Variants in PTPRT observed in about 807,000 individuals in gnomAD.
PTPRT encodes protein tyrosine phosphatase receptor type T.
PTPRT carries 56 observed loss-of-function variants against 176.8 expected under a neutral mutation model. The observed-to-expected ratio is 0.32, with a 90% CI of 0.26 to 0.40. The LOEUF (loss-of-function observed/expected upper bound fraction) is 0.40. Ranked by LOEUF, PTPRT falls within the 10% of genes least tolerant of loss-of-function variation. PTPRT has a pLI of 1.00. For synonymous variants in PTPRT, 783 were observed against 739.0 expected (o/e 1.06, Z -0.96); for missense variants, 1,540 against 1,908.2 (o/e 0.81, Z 3.60).
At chr20:42,446,580 ATGTGTGTGTGTG>A (rs372328206) in intron 9 of PTPRT, among the ~76,000 whole-genome samples, 560 of 139,564 alleles carry the variant, frequency 4.0e-3, no homozygotes, top group Non-Finnish European at 6.9e-3. Flanking sequence ...TTTCATGTAA[ATGTGTGTGTGTG>A]TGTGTGTGTG....
At chr20:42,299,382 C>T (rs1170017520) in intron 12 of PTPRT, among the ~76,000 whole-genome samples, 1 of 152,024 alleles carries the variant, frequency 6.6e-6, no homozygotes, top group African/African-American at 2.4e-5. Context: ...TAATTTTCAA[C>T]ACAACGGTTT....
intron 1 of PTPRT, among the ~76,000 whole-genome samples, chr20:42,957,934 T>A (rs1276266555): frequency 6.6e-6 from 1 of 151,874 alleles, no homozygotes; most frequent in Non-Finnish European, 1.5e-5. Flanking sequence ...TACTTTTTTA[T>A]CAATTAATAT....
intron 16 of PTPRT, among the ~76,000 whole-genome samples, chr20:42,163,027 T>G (rs1157047873): frequency 6.6e-6 from 1 of 152,216 alleles, no homozygotes; most frequent in Non-Finnish European, 1.5e-5. Context: ...CTCTCAGTCA[T>G]GGGCACACAG....
intron 7 of PTPRT, among the ~76,000 whole-genome samples, chr20:42,487,143 A>T (rs1007810770): frequency 1.3e-5 from 2 of 152,204 alleles, no homozygotes; most frequent in Non-Finnish European, 2.9e-5. Context: ...CTAAAGCCAT[A>T]AGATTTAAGC....
intron 1 of PTPRT, among the ~76,000 whole-genome samples, chr20:42,935,373 C>T (rs1388744798): frequency 6.6e-6 from 1 of 151,966 alleles, no homozygotes; most frequent in Non-Finnish European, 1.5e-5. Flanking sequence ...CTCCTGGCCT[C>T]AAACAATCCT....
At position 42,796,188 on chromosome 20, in the gene PTPRT, C is replaced by G. The variant is rs150911028; in HGVS notation, c.215-4722G>C. Among the ~76,000 whole-genome samples the G allele has an allele frequency of 3.7e-4, 56 of 152,218 alleles. No individual in the cohort carries two copies. The East Asian group carries it at 9.8e-3, about 27-fold the overall frequency. ...GGGTCTAGGAATGCACTTTCCTAAC[C>G]AGTAGCTAATAACGCCATATGCCTA... is the stretch of plus-strand genomic sequence containing the variant. On this transcript the variant is annotated intron_variant, in intron 2 of 30. Transcript: ENST00000373187.
intron 2 of PTPRT, among the ~76,000 whole-genome samples, chr20:42,883,709 CAT>C (rs373687809): frequency 6.7e-5 from 8 of 118,670 alleles, no homozygotes; most frequent in African/African-American, 9.3e-5. Flanking sequence ...CATACACCCC[CAT>C]ACACACACAC....
At chr20:43,154,414 T>C (rs1317389804) in intron 1 of PTPRT, among the ~76,000 whole-genome samples, 1 of 152,238 alleles carries the variant, frequency 6.6e-6, no homozygotes, top group East Asian at 1.9e-4. Flanking sequence ...CTGCTTTAGT[T>C]ACTACAGCTA....
At chr20:42,282,394 G>A in intron 13 of PTPRT, 95 bp downstream of exon 13, 2 of 1,255,796 alleles carry the variant, frequency 1.6e-6, no homozygotes, top group Non-Finnish European at 2.3e-6. Flanking sequence ...TTCTTGTTTT[G>A]AGTTACTGTT....
At chr20:42,058,747 G>T in the PTPRT span, among the ~76,000 whole-genome samples, 8 of 152,196 alleles carry the variant, frequency 5.3e-5, no homozygotes, top group Admixed American at 1.3e-4. Context: ...CCCTGATAGA[G>T]CCCAGGCATC....
chr20:42,790,280 T>C (rs1427806518), intron 3 of PTPRT, among the ~76,000 whole-genome samples: 2 of 151,094 alleles, frequency 1.3e-5, no homozygotes, highest in Non-Finnish European at 2.9e-5. Flanking sequence ...TGTGGAGAAA[T>C]GTTCCTCTAA....
At chr20:42,500,330 C>T (rs1019928048) in intron 7 of PTPRT, among the ~76,000 whole-genome samples, 1 of 151,878 alleles carries the variant, frequency 6.6e-6, no homozygotes, top group Non-Finnish European at 1.5e-5. Flanking sequence ...CTCACTACCC[C>T]CATCAGCAAG....
chr20:42,653,269 G>T (rs1368540185), intron 7 of PTPRT, among the ~76,000 whole-genome samples: 1 of 152,148 alleles, frequency 6.6e-6, no homozygotes, highest in Non-Finnish European at 1.5e-5. Context: ...CCCCTTCCAT[G>T]CTTGTAAGTT....
rs539605312 is a variant in PTPRT, at chr20:43,163,511, G to A, written c.88+26135C>T. Among the ~76,000 whole-genome samples, 5 of 152,232 alleles carry A rather than the reference G, an allele frequency of 3.3e-5. No homozygotes were observed. The South Asian group carries it at 6.2e-4, about 19-fold the overall frequency. On this transcript the variant is annotated intron_variant, in intron 1 of 30. Coordinates refer to ENST00000373187, the MANE Select transcript of PTPRT (RefSeq NM_007050.6). Reference sequence around the variant, plus strand: ...AAATTAGCCAGGCGTGGTGGTGGGCGCCTATAGTCCCAGCTACTCAGGAGG... The same window carrying A: ...AAATTAGCCAGGCGTGGTGGTGGGCACCTATAGTCCCAGCTACTCAGGAGG...
At chr20:43,013,666 G>A (rs968922236) in intron 1 of PTPRT, among the ~76,000 whole-genome samples, 1 of 152,140 alleles carries the variant, frequency 6.6e-6, no homozygotes, top group Non-Finnish European at 1.5e-5. Context: ...ACTCCTTGAA[G>A]AAGAAAAGGG....
At chr20:43,179,322 C>A (rs138252583) in intron 1 of PTPRT, among the ~76,000 whole-genome samples, 213 of 152,288 alleles carry the variant, frequency 1.4e-3, no homozygotes, top group African/African-American at 5.0e-3. Flanking sequence ...TATAACTTAT[C>A]ATATTCTCTA....
chr20:42,465,352 G>A (rs756679885), intron 8 of PTPRT, among the ~76,000 whole-genome samples: 4 of 152,142 alleles, frequency 2.6e-5, no homozygotes, highest in African/African-American at 9.7e-5. Flanking sequence ...AACAACATAT[G>A]CACAATGCTA....
chr20:42,847,842 A>AT (rs879292898), intron 2 of PTPRT, among the ~76,000 whole-genome samples: 8 of 152,032 alleles, frequency 5.3e-5, no homozygotes, highest in Admixed American at 5.2e-4. Context: ...TCTTTAAAAA[A>AT]TTTTTTCCAT....
intron 1 of PTPRT, among the ~76,000 whole-genome samples, chr20:43,102,856 C>T (rs1343624330): frequency 6.6e-6 from 1 of 152,196 alleles, no homozygotes; most frequent in Non-Finnish European, 1.5e-5. Flanking sequence ...GAATGAACTA[C>T]TTAAACCCAA....
Sources: allele counts gnomAD v4.1 joint callset (sites outside exome capture counted in the v4.1 genomes callset), GRCh38; gene constraint gnomAD v4.1.1; transcripts MANE v1.5; gene names NCBI Gene and HGNC (gene_info 2026-07-23, HGNC 2026-07-21).